SPATA3: variants seen among roughly 807,000 people sequenced by gnomAD.
The protein encoded by SPATA3 is spermatogenesis associated 3, also known as spermatogenesis-associated protein 3.
SPATA3 carries 6 observed loss-of-function variants against 5.7 expected under a neutral mutation model. That is an observed-to-expected ratio of 1.06 (90% CI 0.58 to 2.09). The LOEUF (loss-of-function observed/expected upper bound fraction) is 2.09. Ranked by LOEUF, SPATA3 falls within the 30% of genes most tolerant of loss-of-function variation. SPATA3 has a pLI of 0.00. For synonymous variants in SPATA3, 44 were observed against 48.4 expected, an observed-to-expected ratio of 0.91 and a Z score of 0.37; for missense variants, 155 against 130.4, an observed-to-expected ratio of 1.19 and a Z score of -0.92.
In SPATA3 at chr2:231,015,447, G is replaced by T. The variant is rs145233810; in HGVS notation, c.*565+1235G>T. 7.2e-3 allele frequency among the ~76,000 whole-genome samples: 1,092 copies of T among 152,196 alleles called. 16 individuals carry two copies. The highest frequency in any genetic ancestry group is 0.025 in the African/African-American group (1,018 of 41,516). On this transcript the variant is annotated intron_variant, in intron 6 of 8. Transcript: ENST00000452881. ...AGGTGTGGGTGGTGAGGCATAGACA[G>T]AAATGCCCCGTGTACCAAACAGCTG...
At chr2:231,014,112 A>G (rs1309796028) in exon 6 of SPATA3, 6 of 152,170 alleles carry the variant, frequency 3.9e-5, no homozygotes, top group Admixed American at 3.3e-4. Flanking sequence ...TAGCTCAAAG[A>G]AGGGGTTAAT....
At chr2:231,020,035 A>G (rs1347185859) in intron 7 of SPATA3, 1 of 149,066 alleles carries the variant, frequency 6.7e-6, no homozygotes, top group African/African-American at 2.5e-5. Context: ...AAAAACAGTT[A>G]CCTCTGGTCC....
chr2:231,009,843 G>A (rs947738247), downstream of SPATA3, among the ~76,000 whole-genome samples: 1 of 152,246 alleles, frequency 6.6e-6, no homozygotes, highest in African/African-American at 2.4e-5. Flanking sequence ...AGCACTTTGG[G>A]ATACATTAAG....
downstream of SPATA3, among the ~76,000 whole-genome samples, chr2:231,005,607 CCAT>C (rs1410446179): frequency 2.7e-5 from 3 of 111,892 alleles, no homozygotes; most frequent in African/African-American, 9.8e-5. Flanking sequence ...ACCATCATCA[CCAT>C]CATCATCATC....
downstream of SPATA3, among the ~76,000 whole-genome samples, chr2:231,005,497 C>T (rs1294470776): frequency 1.4e-5 from 2 of 141,270 alleles, no homozygotes; most frequent in Non-Finnish European, 1.6e-5. Context: ...CCATCACCAC[C>T]ATCATCACCA....
chr2:231,017,657 A>G (rs972308326), intron 6 of SPATA3, among the ~76,000 whole-genome samples: 13 of 152,342 alleles, frequency 8.5e-5, no homozygotes, highest in African/African-American at 3.1e-4. Flanking sequence ...ACATTATTTT[A>G]GTAAAGAAGT....
At chr2:231,005,316 TCATCATCAC>T (rs1692547073), downstream of SPATA3, among the ~76,000 whole-genome samples, 2 of 7,258 alleles carry the variant, frequency 2.8e-4, no homozygotes, top group Admixed American at 1.5e-3. Flanking sequence ...ATCACCACCA[TCATCATCAC>T]CATCATCACC....
At chr2:231,019,924 C>T (rs922314738) in intron 7 of SPATA3, 3 of 150,686 alleles carry the variant, frequency 2.0e-5, no homozygotes, top group African/African-American at 7.3e-5. Flanking sequence ...GACTCCCCAC[C>T]CCACTCTCTA....
chr2:231,012,942 C>T (rs912429388), intron 5 of SPATA3, among the ~76,000 whole-genome samples: 1 of 152,202 alleles, frequency 6.6e-6, no homozygotes, highest in Non-Finnish European at 1.5e-5. Context: ...AACCCTGGGG[C>T]AAATCCAGTT....
At chr2:231,000,694 GT>G (rs1314805723) in intron 2 of SPATA3, among the ~76,000 whole-genome samples, 157 bp downstream of exon 2, 7 of 152,200 alleles carry the variant, frequency 4.6e-5, no homozygotes, top group African/African-American at 1.2e-4. Context: ...CTTCCTGGAC[GT>G]TGGCAGGCAG....
intron 1 of SPATA3, among the ~76,000 whole-genome samples, chr2:230,999,069 G>C (rs1404898422): frequency 1.3e-5 from 2 of 152,144 alleles, no homozygotes; most frequent in East Asian, 3.8e-4. Flanking sequence ...ATACTATTTG[G>C]CAATAAAAAG....
chr2:231,001,124 C>T (rs10166545), intron 2 of SPATA3, among the ~76,000 whole-genome samples: 52,777 of 152,028 alleles, frequency 0.35, 9,465 homozygotes, highest in East Asian at 0.46. Context: ...CTGTTGGTGG[C>T]GGCCCCCATG....
chr2:231,015,676 G>A (rs562791291), intron 6 of SPATA3, among the ~76,000 whole-genome samples: 63 of 152,274 alleles, frequency 4.1e-4, no homozygotes, highest in Middle Eastern at 3.4e-3. Flanking sequence ...GACCCTCTGG[G>A]CCCCTAGGCA....
At chr2:231,005,359 C>A, downstream of SPATA3, among the ~76,000 whole-genome samples, 1 of 146,348 alleles carries the variant, frequency 6.8e-6, no homozygotes, top group South Asian at 2.2e-4. Context: ...CCATCACCAC[C>A]ACCACCATCA....
At chr2:231,002,805 C>G (rs768815677), downstream of SPATA3, 3 of 1,433,050 alleles carry the variant, frequency 2.1e-6, no homozygotes, top group South Asian at 4.5e-5. Flanking sequence ...TGTGAACAAG[C>G]CCCTAGGCCC....
downstream of SPATA3, among the ~76,000 whole-genome samples, chr2:231,010,943 A>G (rs1264638572): frequency 1.3e-5 from 2 of 150,640 alleles, no homozygotes; most frequent in Non-Finnish European, 3.0e-5. Flanking sequence ...TACAAAAATT[A>G]GCACCTGTAG....
intron 1 of SPATA3, among the ~76,000 whole-genome samples, chr2:230,996,878 AGGG>A (rs1692143805): frequency 6.6e-6 from 1 of 152,236 alleles, no homozygotes; most frequent in African/African-American, 2.4e-5. Flanking sequence ...GTTTAGAATA[AGGG>A]AGGTGATGAT....
intron 6 of SPATA3, among the ~76,000 whole-genome samples, chr2:231,014,595 C>T (rs1559202087): frequency 6.6e-6 from 1 of 152,124 alleles, no homozygotes; most frequent in Non-Finnish European, 1.5e-5. Flanking sequence ...CTGGACCCCT[C>T]AGCTCTGCAA....
downstream of SPATA3, among the ~76,000 whole-genome samples, chr2:231,010,616 C>G (rs772187956): frequency 3.9e-5 from 6 of 152,102 alleles, no homozygotes; most frequent in Non-Finnish European, 7.4e-5. Flanking sequence ...TATGGCTAGC[C>G]TTGGGGGAGA....
Sources: gnomAD v4.1 joint callset for allele counts (sites outside exome capture counted in the v4.1 genomes callset) on GRCh38, gnomAD v4.1.1 for gene constraint, MANE v1.5 for transcripts, NCBI Gene and HGNC (gene_info 2026-07-23, HGNC 2026-07-21) for gene names.